The following CIAPIN1 variants were observed in gnomAD, a reference collection of about 807,000 sequenced individuals.
CIAPIN1 encodes cytokine induced apoptosis inhibitor 1, also known as anamorsin.
CIAPIN1 carries 18 observed loss-of-function variants against 34.3 expected under a neutral mutation model. The observed-to-expected ratio is 0.52, with a 90% CI of 0.36 to 0.78. The LOEUF (loss-of-function observed/expected upper bound fraction) is 0.78. Ranked by LOEUF, CIAPIN1 falls within the 30% of genes least tolerant of loss-of-function variation. The pLI is 0.00. For synonymous variants in CIAPIN1, 131 were observed against 140.4 expected (o/e 0.93, Z 0.47); for missense variants, 310 against 372.5 (o/e 0.83, Z 1.38).
intron 6 of CIAPIN1, among the ~76,000 whole-genome samples, chr16:57,431,951 T>C (rs1206953629): frequency 1.3e-5 from 2 of 152,198 alleles, no homozygotes; most frequent in African/African-American, 2.4e-5. Context: ...CACAAGAGTT[T>C]TCAACATATC....
At chr16:57,439,470 T>A (rs1426176062) in intron 2 of CIAPIN1, 136 bp from the exon 3 acceptor site, 4 of 821,078 alleles carry the variant, frequency 4.9e-6, no homozygotes, top group African/African-American at 1.7e-5. Context: ...AGAAGCTGGA[T>A]GAATAGTAAG....
At chr16:57,447,155 C>T (rs1410614733) in intron 1 of CIAPIN1, among the ~76,000 whole-genome samples, 187 bp downstream of exon 1, 8 of 152,322 alleles carry the variant, frequency 5.3e-5, no homozygotes, top group Middle Eastern at 3.4e-3. Context: ...AGGTTAGGGC[C>T]GGCCCTGGCC....
chr16:57,436,664 C>G lies in CIAPIN1; in HGVS notation c.379G>C (p.Val127Leu). The change falls in exon 4 of 9, where the codon GTG (valine) becomes CTG (leucine). Residue 127 changes from valine (V) to leucine (L), a missense_variant. Transcript: ENST00000394391. ...GTTGTCTACAAACGTACCTCTTTCA[C>G]TTCCACAAGACCAGAAAGAGTCAGG... ...SALTLSGLVE[V>L]KELQREPLTP... The G allele has an allele frequency of 6.2e-7, 1 of 1,613,472 alleles. No homozygotes were observed. The highest frequency in any genetic ancestry group is 1.1e-5 in the South Asian group (1 of 91,064).
At position 57,430,553 on chromosome 16, in the gene CIAPIN1, C is replaced by T. The variant is rs529638530; in HGVS notation, c.747-214G>A. 9 of 519,896 alleles carry T rather than the reference C, an allele frequency of 1.7e-5. No homozygotes were observed. In the East Asian group the frequency reaches 2.7e-4, roughly 15 times the overall value. The allele number at this position is 519,896 out of a possible 1,614,324, so 32.2% of individuals were successfully genotyped here. A position where few individuals can be genotyped will look rare whatever the true frequency, so the allele number is the denominator to read the frequency against. On this transcript the variant is annotated intron_variant, in intron 7 of 8. Coordinates refer to ENST00000394391, the MANE Select transcript of CIAPIN1 (RefSeq NM_020313.4). ...GGAAGTACCGTGTGTGCTCTGTCTA[C>T]AGAGGGCAGCCACTACTCAAGCTTC...
At chr16:57,438,463 C>G (rs1471267974) in intron 3 of CIAPIN1, among the ~76,000 whole-genome samples, 1 of 152,166 alleles carries the variant, frequency 6.6e-6, no homozygotes, top group East Asian at 1.9e-4. Flanking sequence ...GTCTTCACTT[C>G]GTCCCTCCCC....
intron 2 of CIAPIN1, among the ~76,000 whole-genome samples, chr16:57,440,439 A>G (rs1221819869): frequency 1.3e-5 from 2 of 152,142 alleles, no homozygotes; most frequent in African/African-American, 4.8e-5. Flanking sequence ...AATCACTAAT[A>G]AAAACTTGCT....
chr16:57,441,050 A>C, intron 1 of CIAPIN1, 67 bp from the exon 2 acceptor site: 1 of 1,024,788 alleles, frequency 9.8e-7, no homozygotes. Flanking sequence ...TCCCAACCTA[A>C]CTTGTAACCG....
At chr16:57,442,112 G>A (rs1189490011) in intron 1 of CIAPIN1, among the ~76,000 whole-genome samples, 8 of 152,172 alleles carry the variant, frequency 5.3e-5, no homozygotes, top group African/African-American at 9.7e-5. Flanking sequence ...TTAGGAAGCC[G>A]AGCCAGGCGA....
Position 57,429,119 on chromosome 16 carries a change from G to A in CIAPIN1, c.*51C>T. 3.1e-6 allele frequency: 4 copies of A among 1,270,024 alleles called. No homozygotes were observed. The highest frequency in any genetic ancestry group is 1.5e-5 in the African/African-American group (1 of 68,282). The allele number at this position is 1,270,024 out of a possible 1,614,324, so 78.7% of individuals were successfully genotyped here. On this transcript the variant is annotated 3_prime_UTR_variant, in exon 9 of 9. Transcript: ENST00000394391. Reference sequence around the variant, plus strand: ...GGGAGGAGCCACCATGGTGGGATGTGAGGGACAGGAGTTGGCTGGAGGAGC... The same window carrying A: ...GGGAGGAGCCACCATGGTGGGATGTAAGGGACAGGAGTTGGCTGGAGGAGC...
intron 3 of CIAPIN1, among the ~76,000 whole-genome samples, chr16:57,437,497 T>C (rs1200736882): frequency 2.6e-5 from 4 of 151,086 alleles, no homozygotes; most frequent in African/African-American, 9.8e-5. Context: ...TGTATATATA[T>C]TTTAGTGATA....
intron 3 of CIAPIN1, 85 bp downstream of exon 3, chr16:57,439,094 AATG>A: frequency 7.4e-7 from 1 of 1,351,338 alleles, no homozygotes; most frequent in Non-Finnish European, 1.0e-6. Context: ...CTGATCTCCC[AATG>A]ATACCTCCTG....
chr16:57,430,844 T>C lies in CIAPIN1; in HGVS notation c.746+307A>G, dbSNP rs185624149. 3.5e-4 allele frequency among the ~76,000 whole-genome samples: 53 copies of C among 152,228 alleles called. No individual in the cohort carries two copies. The East Asian group carries it at 0.01, about 29-fold the overall frequency. On this transcript the variant is annotated intron_variant, in intron 7 of 8. Transcript: ENST00000394391. The stretch of plus-strand genomic sequence containing the variant: ...CCCATGCTGGAGTGCAGTGGCACAA[T>C]AGTGGCTTACTGGTAGGGTTTTGAG...
Position 57,440,773 on chromosome 16 carries a change from T to G in CIAPIN1, c.156A>C (p.Gln52His), listed in dbSNP as rs1434559902. The G allele has an allele frequency of 6.2e-7, 1 of 1,611,250 alleles. No individual in the cohort carries two copies. Among genetic ancestry groups the G allele is most frequent in the Non-Finnish European group, 8.5e-7 (1 of 1,178,470 alleles). The change falls in exon 2 of 9, where the codon CAA becomes CAC. Residue 52 changes from glutamine to histidine, a missense_variant and splice_region_variant. Coordinates refer to ENST00000394391, the MANE Select transcript of CIAPIN1 (RefSeq NM_020313.4). Reference protein sequence around the residue: ...VSVENIKQLLQSAHKESSFDI... With the variant: ...VSVENIKQLLHSAHKESSFDI... ...AAGACAACGTGGGTGGGTACTTACA[T>G]TGCAACAGCTGCTTGATGTTTTCCA...
Position 57,439,243 on chromosome 16 carries a change from G to A in CIAPIN1, c.249C>T (p.Ile83=), listed in dbSNP as rs980995800. The change falls in exon 3 of 9, where the codon ATC becomes ATT. Residue 83 remains isoleucine, a synonymous_variant. Coordinates refer to ENST00000394391, the MANE Select transcript of CIAPIN1 (RefSeq NM_020313.4). ...ATCCACCAGGCCGAAGGATCCGGGC[G>A]ATTTCAGCCAAAATCTCAGCACTGT... ...TLHSAEILAE[I]ARILRPGGCL... is the part of the protein sequence containing the mutation. The A allele has an allele frequency of 1.4e-5, 23 of 1,614,086 alleles. No homozygotes were observed. The highest frequency in any genetic ancestry group is 3.3e-4 in the Middle Eastern group (2 of 6,082).
intron 1 of CIAPIN1, 31 bp downstream of exon 1, chr16:57,447,310 TC>T: frequency 2.4e-6 from 1 of 415,252 alleles, no homozygotes. Context: ...TTGAGGGAGC[TC>T]TGGCGCTCAG....
Position 57,437,616 on chromosome 16 carries a change from C to G in CIAPIN1, c.311-884G>C, listed in dbSNP as rs950789880. On this transcript the variant is annotated intron_variant, in intron 3 of 8. Coordinates refer to ENST00000394391, the MANE Select transcript of CIAPIN1 (RefSeq NM_020313.4). ...TCAGCTCATTGCAGCCTCGACCTCCCAGGTTCAAGCAATCTTCCTGCCTCA... is the reference window on the plus strand; with the variant it reads ...TCAGCTCATTGCAGCCTCGACCTCCGAGGTTCAAGCAATCTTCCTGCCTCA... 3.9e-5 allele frequency among the ~76,000 whole-genome samples: 6 copies of G among 151,908 alleles called. No homozygotes were observed. In the East Asian group the frequency reaches 1.2e-3, roughly 29 times the overall value.
At chr16:57,445,851 T>G (rs1341938002) in intron 1 of CIAPIN1, among the ~76,000 whole-genome samples, 2 of 136,438 alleles carry the variant, frequency 1.5e-5, no homozygotes, top group African/African-American at 3.0e-5. Flanking sequence ...TTTTTTTTTT[T>G]TTTTTTTTTT....
rs572810455 is a variant in CIAPIN1, at chr16:57,432,656, C to T, written c.557-96G>A. On this transcript the variant is annotated intron_variant, in intron 5 of 8. Transcript: ENST00000394391. ...ATGCTTCCTGCTGTGTAGAAGAGAA[C>T]ACACTGGCCTGGGAGGCAGAAGATG... 118 of 1,145,872 alleles carry T rather than the reference C, an allele frequency of 1.0e-4. 1 individual carries two copies. The South Asian group carries it at 1.6e-3, about 15-fold the overall frequency. The allele number at this position is 1,145,872 out of a possible 1,614,324, so 71.0% of individuals were successfully genotyped here.
At chr16:57,436,351 C>T (rs1246988303) in intron 4 of CIAPIN1, among the ~76,000 whole-genome samples, 1 of 152,190 alleles carries the variant, frequency 6.6e-6, no homozygotes. Context: ...CCTCAGCCTC[C>T]TGAGTGGCTG....
Sources: gnomAD v4.1 joint callset for allele counts (sites outside exome capture counted in the v4.1 genomes callset) on GRCh38, gnomAD v4.1.1 for gene constraint, MANE v1.5 for transcripts, NCBI Gene and HGNC (gene_info 2026-07-23, HGNC 2026-07-21) for gene names.